Variants in ZDHHC14 observed in about 807,000 individuals in gnomAD.
ZDHHC14 encodes the protein palmitoyltransferase ZDHHC14.
ZDHHC14 carries 16 observed loss-of-function variants against 47.7 expected under a neutral mutation model. The ratio of observed to expected loss-of-function variants is 0.34; its 90% CI spans 0.23 to 0.51. The LOEUF (loss-of-function observed/expected upper bound fraction) is 0.51, where lower values mean the gene tolerates loss of function less well. Among genes scored for constraint, ZDHHC14 ranks in the 20% least tolerant of loss-of-function variants. The pLI is 0.97. For missense variants in ZDHHC14, 515 were observed against 662.5 expected, an observed-to-expected ratio of 0.78 and a Z score of 2.44; for synonymous variants, 293 against 278.9, an observed-to-expected ratio of 1.05 and a Z score of -0.50.
rs185339726 is a variant in ZDHHC14, at chr6:157,663,201, T to C, written c.1069-9523T>C. Among the ~76,000 whole-genome samples the C allele has an allele frequency of 2.0e-5, 3 of 152,380 alleles. No homozygotes were observed. In the East Asian group the frequency reaches 5.8e-4, roughly 29 times the overall value. ...TTTGGTCTCAAGGCTTCTACCCCCC[T>C]GGGAGTGCCCCAAGCGCCATGAGAA... On this transcript the variant is annotated intron_variant, in intron 8 of 8. Coordinates refer to ENST00000359775, the MANE Select transcript of ZDHHC14 (RefSeq NM_024630.3).
chr6:157,399,410 G>A (rs917129754), intron 1 of ZDHHC14, among the ~76,000 whole-genome samples: 2 of 152,236 alleles, frequency 1.3e-5, no homozygotes, highest in Non-Finnish European at 2.9e-5. Flanking sequence ...AGAAATAAAA[G>A]TGTGTGCCTC....
intron 1 of ZDHHC14, among the ~76,000 whole-genome samples, chr6:157,481,836 A>G (rs1307706843): frequency 6.6e-6 from 1 of 152,098 alleles, no homozygotes; most frequent in African/African-American, 2.4e-5. Flanking sequence ...CTATCTGTCT[A>G]CCTACCTACC....
chr6:157,426,044 G>A (rs1396999524), intron 1 of ZDHHC14, among the ~76,000 whole-genome samples: 2 of 152,188 alleles, frequency 1.3e-5, no homozygotes, highest in Non-Finnish European at 2.9e-5. Flanking sequence ...TACCTAGAGA[G>A]GCAGATGGGG....
intron 1 of ZDHHC14, among the ~76,000 whole-genome samples, chr6:157,430,589 A>G (rs1475693740): frequency 6.6e-6 from 1 of 152,176 alleles, no homozygotes; most frequent in Non-Finnish European, 1.5e-5. Flanking sequence ...TCCAACTTTT[A>G]AGGACCCATG....
chr6:157,545,542 G>A (rs1290427673), intron 2 of ZDHHC14, among the ~76,000 whole-genome samples: 1 of 152,084 alleles, frequency 6.6e-6, no homozygotes, highest in Non-Finnish European at 1.5e-5. Context: ...GCCGGGTGTG[G>A]TGGCACACAC....
At chr6:157,656,210 G>A (rs111730381) in intron 8 of ZDHHC14, among the ~76,000 whole-genome samples, 33 of 152,296 alleles carry the variant, frequency 2.2e-4, no homozygotes, top group Admixed American at 1.6e-3. Flanking sequence ...AACTAGTACC[G>A]CTGAAGGCAC....
chr6:157,534,598 C>CATTTCATTTCATTTT (rs1390331555), intron 1 of ZDHHC14, among the ~76,000 whole-genome samples: 1 of 121,166 alleles, frequency 8.3e-6, no homozygotes, highest in East Asian at 2.3e-4. Flanking sequence ...CATTTCATTT[C>CATTTCATTTCATTTT]ATGTTTTTGA....
In ZDHHC14 at chr6:157,547,582, C is replaced by T. The variant is rs1196815681; in HGVS notation, c.406+4837C>T. ...AGAAACATTTTAATTGGAATTTTAA[C>T]AACACTAATGGATTTTTGTTGGAGA... On this transcript the variant is annotated intron_variant, in intron 2 of 8. Coordinates refer to ENST00000359775, the MANE Select transcript of ZDHHC14 (RefSeq NM_024630.3). 2.7e-5 allele frequency among the ~76,000 whole-genome samples: 4 copies of T among 149,294 alleles called. No individual in the cohort carries two copies. The Admixed American group carries it at 2.7e-4, about 10-fold the overall frequency.
intron 3 of ZDHHC14, among the ~76,000 whole-genome samples, chr6:157,593,650 G>A (rs1784005788): frequency 2.0e-5 from 3 of 152,222 alleles, no homozygotes. Flanking sequence ...TCCCCTCTCT[G>A]CCTCCCAACT....
At chr6:157,420,796 T>C (rs1369075010) in intron 1 of ZDHHC14, among the ~76,000 whole-genome samples, 1 of 152,184 alleles carries the variant, frequency 6.6e-6, no homozygotes, top group African/African-American at 2.4e-5. Flanking sequence ...ACTGCTTGAA[T>C]GGAGAGATGT....
chr6:157,573,960 T>TG (rs767488810), intron 2 of ZDHHC14, among the ~76,000 whole-genome samples: 6,352 of 149,564 alleles, frequency 0.042, 187 homozygotes, highest in Admixed American at 0.071. Flanking sequence ...AACCTCGGGG[T>TG]CGGGGGGGAA....
chr6:157,498,842 T>G (rs1239736995), intron 1 of ZDHHC14, among the ~76,000 whole-genome samples: 1 of 152,210 alleles, frequency 6.6e-6, no homozygotes, highest in African/African-American at 2.4e-5. Context: ...GGGACTTTAT[T>G]AATAGGTTAA....
At chr6:157,563,085 C>T (rs553512613) in intron 2 of ZDHHC14, among the ~76,000 whole-genome samples, 25 of 152,324 alleles carry the variant, frequency 1.6e-4, no homozygotes, top group Middle Eastern at 3.4e-3. Flanking sequence ...GGCCTAGTGT[C>T]TCCCAGGCAC....
intron 8 of ZDHHC14, among the ~76,000 whole-genome samples, chr6:157,665,632 C>T (rs754418724): frequency 9.9e-5 from 15 of 152,062 alleles, no homozygotes; most frequent in South Asian, 2.1e-4. Context: ...TATAATTTTA[C>T]GTCTAGATAA....
intron 8 of ZDHHC14, among the ~76,000 whole-genome samples, chr6:157,663,842 AC>A (rs1313595274): frequency 2.0e-5 from 3 of 152,214 alleles, no homozygotes; most frequent in African/African-American, 7.2e-5. Context: ...CCTTCCACGT[AC>A]ATAACTTCTG....
At chr6:157,577,275 T>C (rs1783344262) in intron 2 of ZDHHC14, among the ~76,000 whole-genome samples, 1 of 152,176 alleles carries the variant, frequency 6.6e-6, no homozygotes, top group Non-Finnish European at 1.5e-5. Context: ...TGATGAACAT[T>C]GAGATTAATT....
At chr6:157,628,865 A>G (rs1331808452) in intron 4 of ZDHHC14, among the ~76,000 whole-genome samples, 1 of 152,182 alleles carries the variant, frequency 6.6e-6, no homozygotes, top group African/African-American at 2.4e-5. Context: ...ACAAAGGACA[A>G]TGTGCTGCAG....
chr6:157,454,832 T>C (rs144327937), intron 1 of ZDHHC14, among the ~76,000 whole-genome samples: 14 of 152,350 alleles, frequency 9.2e-5, no homozygotes, highest in Non-Finnish European at 2.9e-5. Flanking sequence ...TTATTTTCTT[T>C]TGTTAATGCT....
intron 1 of ZDHHC14, among the ~76,000 whole-genome samples, chr6:157,496,197 C>T (rs917994811): frequency 6.6e-6 from 1 of 152,176 alleles, no homozygotes; most frequent in African/African-American, 2.4e-5. Flanking sequence ...TGACTGCCGG[C>T]TGTATCTCCC....
Sources: allele counts gnomAD v4.1 joint callset (sites outside exome capture counted in the v4.1 genomes callset), GRCh38; gene constraint gnomAD v4.1.1; transcripts MANE v1.5; gene names NCBI Gene and HGNC (gene_info 2026-07-23, HGNC 2026-07-21).